MDGA2: variants seen among roughly 807,000 people sequenced by gnomAD.
MDGA2 encodes MAM domain containing glycosylphosphatidylinositol anchor 2, also known as MAM domain-containing glycosylphosphatidylinositol anchor protein 2.
In MDGA2, 40 loss-of-function variants were observed where a neutral mutation model predicts 117.8. The ratio of observed to expected loss-of-function variants is 0.34; its 90% CI spans 0.26 to 0.44. The LOEUF is 0.44. Ranked by LOEUF, MDGA2 falls within the 20% of genes least tolerant of loss-of-function variation. The pLI, the probability that MDGA2 is intolerant of heterozygous loss-of-function variation, is 1.00. For missense variants in MDGA2, 1,123 were observed against 1,250.6 expected (o/e 0.90, Z 1.54); for synonymous variants, 452 against 439.0 (o/e 1.03, Z -0.37).
chr14:47,561,905 A>G (rs1031645775), intron 1 of MDGA2, among the ~76,000 whole-genome samples: 2 of 152,200 alleles, frequency 1.3e-5, no homozygotes, highest in Non-Finnish European at 2.9e-5. Context: ...TATTCCTTCA[A>G]TGCCTAGTTT....
At chr14:47,182,392 A>G (rs925113401) in intron 3 of MDGA2, among the ~76,000 whole-genome samples, 1 of 152,128 alleles carries the variant, frequency 6.6e-6, no homozygotes, top group African/African-American at 2.4e-5. Context: ...TTAAAGTTAA[A>G]TAAGGTCATA....
chr14:47,314,719 G>C (rs1294552623), intron 1 of MDGA2, among the ~76,000 whole-genome samples: 1 of 151,826 alleles, frequency 6.6e-6, no homozygotes, highest in Non-Finnish European at 1.5e-5. Context: ...AGAGGGAAAA[G>C]ATATGAACAA....
At chr14:46,907,927 C>G (rs116961094) in intron 10 of MDGA2, among the ~76,000 whole-genome samples, 59 of 152,196 alleles carry the variant, frequency 3.9e-4, no homozygotes, top group Non-Finnish European at 7.6e-4. Context: ...CTCCTTAGCT[C>G]AGAATGAGAG....
intron 6 of MDGA2, among the ~76,000 whole-genome samples, chr14:47,092,005 T>C (rs902447923): frequency 2.6e-5 from 4 of 152,188 alleles, no homozygotes; most frequent in Non-Finnish European, 4.4e-5. Flanking sequence ...AATCTGAAGT[T>C]CTTTTGAGTA....
rs1224747505 is a variant in MDGA2, at chr14:47,533,234, A to G, written c.280+141283T>C. 3.9e-5 allele frequency among the ~76,000 whole-genome samples: 6 copies of G among 152,198 alleles called. No homozygotes were observed. The East Asian group carries it at 9.6e-4, about 24-fold the overall frequency. ...AATATCAGGGTGCTGGAGGAAGGAG[A>G]AATAAACACCAGGAAAGAAAGCAAC... On this transcript the variant is annotated intron_variant, in intron 1 of 16. Transcript: ENST00000399232.
intron 3 of MDGA2, among the ~76,000 whole-genome samples, chr14:47,186,003 A>G (rs1229170794): frequency 1.3e-5 from 2 of 151,662 alleles, no homozygotes; most frequent in Non-Finnish European, 3.0e-5. Context: ...AAAAATCAGT[A>G]ATATGTGTAC....
intron 3 of MDGA2, among the ~76,000 whole-genome samples, chr14:47,147,400 G>A (rs938589177): frequency 6.6e-6 from 1 of 152,110 alleles, no homozygotes; most frequent in Non-Finnish European, 1.5e-5. Context: ...CAAGGGGAGG[G>A]TTGAACTACA....
intron 8 of MDGA2, among the ~76,000 whole-genome samples, chr14:47,015,535 A>G (rs369744362): frequency 2.0e-5 from 3 of 152,116 alleles, no homozygotes; most frequent in Non-Finnish European, 4.4e-5. Flanking sequence ...AAACTGAGCT[A>G]TCTATGGCTG....
At chr14:47,562,289 T>G (rs969201288) in intron 1 of MDGA2, among the ~76,000 whole-genome samples, 1 of 152,214 alleles carries the variant, frequency 6.6e-6, no homozygotes, top group African/African-American at 2.4e-5. Flanking sequence ...TTTGGAATAG[T>G]TTCAGTAGGA....
At chr14:47,612,271 T>G (rs958690895) in intron 1 of MDGA2, among the ~76,000 whole-genome samples, 1 of 151,156 alleles carries the variant, frequency 6.6e-6, no homozygotes, top group Admixed American at 6.6e-5. Context: ...CTGTGTTTTA[T>G]TCATTGCTGT....
chr14:46,876,190 T>C (rs1268621931), intron 12 of MDGA2, among the ~76,000 whole-genome samples: 2 of 151,502 alleles, frequency 1.3e-5, no homozygotes, highest in African/African-American at 4.8e-5. Flanking sequence ...TCTCGATTCC[T>C]TCTAAGGACA....
chr14:47,428,692 C>T (rs1422790318), intron 1 of MDGA2, among the ~76,000 whole-genome samples: 6 of 151,972 alleles, frequency 3.9e-5, no homozygotes, highest in Non-Finnish European at 8.8e-5. Flanking sequence ...CTCATTCTCT[C>T]TCTCCATACA....
intron 1 of MDGA2, among the ~76,000 whole-genome samples, chr14:47,665,522 G>A (rs935184401): frequency 6.6e-6 from 1 of 152,174 alleles, no homozygotes; most frequent in Non-Finnish European, 1.5e-5. Context: ...CTTGTGGGGA[G>A]GTGTGGAGGG....
intron 1 of MDGA2, among the ~76,000 whole-genome samples, chr14:47,398,311 T>C (rs1566768699): frequency 6.6e-6 from 1 of 152,214 alleles, no homozygotes; most frequent in Admixed American, 6.5e-5. Context: ...TCATCTGCAT[T>C]AATTCTCTCA....
rs553029673 is a variant in MDGA2 at position 46,913,170 on chromosome 14, C to A, written c.2238+6842G>T. 7.1e-4 allele frequency among the ~76,000 whole-genome samples: 108 copies of A among 152,180 alleles called. 2 individuals carry two copies. In the South Asian group the frequency reaches 0.022, roughly 31 times the overall value. On this transcript the variant is annotated intron_variant, in intron 10 of 16. Transcript: ENST00000399232. ...GCCTATTTTAACGTTTTCTTAATTCCATTTTTCTTCTTCTCCCCTTTCACT... is the reference window on the plus strand; with the variant it reads ...GCCTATTTTAACGTTTTCTTAATTCAATTTTTCTTCTTCTCCCCTTTCACT...
At chr14:47,660,133 T>C (rs1340349574) in intron 1 of MDGA2, among the ~76,000 whole-genome samples, 7 of 152,146 alleles carry the variant, frequency 4.6e-5, no homozygotes, top group African/African-American at 7.2e-5. Flanking sequence ...AAAATGTGAA[T>C]GTATAATGAA....
intron 1 of MDGA2, among the ~76,000 whole-genome samples, chr14:47,534,140 G>T (rs1371338034): frequency 6.6e-6 from 1 of 152,104 alleles, no homozygotes; most frequent in Non-Finnish European, 1.5e-5. Flanking sequence ...CAAAGACAGT[G>T]AGCTAATTTT....
At chr14:47,450,460 T>C (rs1371653441) in intron 1 of MDGA2, among the ~76,000 whole-genome samples, 1 of 152,054 alleles carries the variant, frequency 6.6e-6, no homozygotes, top group Non-Finnish European at 1.5e-5. Context: ...TTCCAAGCAG[T>C]GCTATATTGA....
chr14:47,059,055 C>G (rs538356257), intron 7 of MDGA2: 1 of 1,011,100 alleles, frequency 9.9e-7, no homozygotes, highest in South Asian at 3.8e-5. Flanking sequence ...AACTTTAAGT[C>G]AGTAGGGAAT....
Sources: allele counts gnomAD v4.1 joint callset (sites outside exome capture counted in the v4.1 genomes callset), GRCh38; gene constraint gnomAD v4.1.1; transcripts MANE v1.5; gene names NCBI Gene and HGNC (gene_info 2026-07-23, HGNC 2026-07-21).